Variants in FGGY observed in about 807,000 individuals in gnomAD.
FGGY encodes FGGY carbohydrate kinase domain containing.
A neutral mutation model predicts 71.3 loss-of-function variants in FGGY; 72 were observed. The observed-to-expected ratio is 1.01, with a 90% confidence interval of 0.84 to 1.23. The LOEUF is 1.23. Among genes scored for constraint, FGGY ranks in the 50% most tolerant of loss-of-function variants. The probability of loss-of-function intolerance (pLI) is 0.00; values close to 1 mark genes in which losing one functional copy is unlikely to be tolerated. For synonymous variants in FGGY, 251 were observed against 250.3 expected (o/e 1.00, Z -0.02); for missense variants, 668 against 682.3 (o/e 0.98, Z 0.23).
chr1:59,588,265 A>G (rs1174197158), intron 8 of FGGY, among the ~76,000 whole-genome samples: 1 of 152,116 alleles, frequency 6.6e-6, no homozygotes, highest in Non-Finnish European at 1.5e-5. Context: ...AAAGAAACGA[A>G]CAAAGCCTCC....
chr1:59,352,459 T>C (rs144153367), intron 4 of FGGY, among the ~76,000 whole-genome samples: 6 of 152,366 alleles, frequency 3.9e-5, no homozygotes, highest in South Asian at 4.1e-4. Flanking sequence ...CTGTCTGGAA[T>C]GTCACAGGAT....
intron 5 of FGGY, among the ~76,000 whole-genome samples, chr1:59,430,850 A>G (rs1250410678): frequency 6.6e-6 from 1 of 152,144 alleles, no homozygotes; most frequent in Non-Finnish European, 1.5e-5. Context: ...TCCAGCCTTA[A>G]GGGCACACTT....
At chr1:59,563,142 G>C (rs905747820) in intron 8 of FGGY, among the ~76,000 whole-genome samples, 5 of 152,142 alleles carry the variant, frequency 3.3e-5, no homozygotes, top group African/African-American at 4.8e-5. Flanking sequence ...TGTTGAATAG[G>C]AGTGGTGAGA....
intron 8 of FGGY, among the ~76,000 whole-genome samples, chr1:59,577,740 A>C (rs939634218): frequency 7.9e-5 from 12 of 152,172 alleles, no homozygotes; most frequent in Non-Finnish European, 1.6e-4. Flanking sequence ...ATTTCATTTC[A>C]TAAGTTAGAG....
rs760151971 is a variant in FGGY at position 59,485,607 on chromosome 1, G to A, written c.671-26704G>A. Among the ~76,000 whole-genome samples the A allele has an allele frequency of 1.4e-3, 207 of 152,240 alleles. 2 individuals are homozygous for A. Among genetic ancestry groups the A allele is most frequent in the Non-Finnish European group, 1.2e-3 (81 of 68,012 alleles). On this transcript the variant is annotated intron_variant, in intron 6 of 15. Transcript: ENST00000303721. Reference sequence around the variant, plus strand: ...TTTTGCTGTTGTTTTTGCTTTATTAGAAAATCACTGTTTTGTAGATTTGTA... The same window carrying A: ...TTTTGCTGTTGTTTTTGCTTTATTAAAAAATCACTGTTTTGTAGATTTGTA...
chr1:59,560,183 C>G (rs1490419481), intron 8 of FGGY, among the ~76,000 whole-genome samples: 1 of 152,250 alleles, frequency 6.6e-6, no homozygotes, highest in East Asian at 1.9e-4. Context: ...TGTTCATCCC[C>G]CAATCCTATA....
chr1:59,639,209 G>A (rs772222714), intron 11 of FGGY, among the ~76,000 whole-genome samples: 4 of 152,144 alleles, frequency 2.6e-5, no homozygotes, highest in South Asian at 2.1e-4. Context: ...AAAGGAAGCC[G>A]CGTAACAGTG....
In FGGY at chr1:59,578,172, A is replaced by AG. The variant is rs377608309; in HGVS notation, c.903+23948dup. ...GGAAAAGGTGTGTGGGTCCAGCACA[A>AG]GGGAGCCAGCTGGGGATATCTTAAA... On this transcript the variant is annotated intron_variant, in intron 8 of 15. Coordinates refer to ENST00000303721, the MANE Select transcript of FGGY (RefSeq NM_018291.5). 1.9e-3 allele frequency among the ~76,000 whole-genome samples: 283 copies of AG among 152,258 alleles called. 8 individuals carry two copies. The highest frequency in any genetic ancestry group is 3.9e-3 in the East Asian group (20 of 5,180).
At chr1:59,612,207 A>G (rs1251269192) in intron 9 of FGGY, among the ~76,000 whole-genome samples, 1 of 152,148 alleles carries the variant, frequency 6.6e-6, no homozygotes, top group African/African-American at 2.4e-5. Context: ...GATTCACCAA[A>G]GTTGAAATGA....
intron 9 of FGGY, among the ~76,000 whole-genome samples, chr1:59,619,064 T>G (rs1415479359): frequency 6.6e-6 from 1 of 152,126 alleles, no homozygotes; most frequent in African/African-American, 2.4e-5. Context: ...TCTAATCCCT[T>G]TGTTGCATTG....
intron 12 of FGGY, among the ~76,000 whole-genome samples, chr1:59,665,743 G>A (rs2097317610): frequency 6.7e-6 from 1 of 150,292 alleles, no homozygotes; most frequent in Non-Finnish European, 1.5e-5. Context: ...GTGTGATCTC[G>A]GCTCACTGCA....
At chr1:59,663,784 T>C (rs576227570) in intron 12 of FGGY, among the ~76,000 whole-genome samples, 2 of 152,332 alleles carry the variant, frequency 1.3e-5, no homozygotes, top group South Asian at 4.1e-4. Context: ...AAAATGTGCA[T>C]TTTAATGAGG....
intron 5 of FGGY, among the ~76,000 whole-genome samples, chr1:59,437,680 A>C (rs1018091403): frequency 5.3e-5 from 8 of 152,230 alleles, no homozygotes; most frequent in African/African-American, 1.9e-4. Flanking sequence ...TGATTGCTAT[A>C]GTCCCCTGGT....
chr1:59,687,200 A>G (rs1260964858), intron 14 of FGGY, among the ~76,000 whole-genome samples: 1 of 152,192 alleles, frequency 6.6e-6, no homozygotes, highest in African/African-American at 2.4e-5. Flanking sequence ...GGCAGAAGTC[A>G]GGTCATTTCT....
intron 4 of FGGY, among the ~76,000 whole-genome samples, chr1:59,366,867 T>C (rs2056679442): frequency 6.6e-6 from 1 of 152,082 alleles, no homozygotes; most frequent in Non-Finnish European, 1.5e-5. Flanking sequence ...AGGGAGAAGA[T>C]GGGAAAGTCA....
At chr1:59,469,534 C>G (rs1176493565) in intron 6 of FGGY, among the ~76,000 whole-genome samples, 2 of 152,176 alleles carry the variant, frequency 1.3e-5, no homozygotes, top group Non-Finnish European at 2.9e-5. Context: ...TTAATACTGT[C>G]ATAATGGCAA....
At chr1:59,554,646 C>T (rs531519310) in intron 8 of FGGY, among the ~76,000 whole-genome samples, 12 of 152,272 alleles carry the variant, frequency 7.9e-5, no homozygotes, top group East Asian at 5.8e-4. Context: ...TCCCTGGGAG[C>T]GTCCTGATGA....
chr1:59,477,672 A>G (rs945214129), intron 6 of FGGY, among the ~76,000 whole-genome samples: 2 of 152,112 alleles, frequency 1.3e-5, no homozygotes, highest in African/African-American at 2.4e-5. Flanking sequence ...TGTACAATCT[A>G]TTATGAGGGG....
intron 5 of FGGY, among the ~76,000 whole-genome samples, chr1:59,387,258 T>C (rs1303403782): frequency 6.6e-6 from 1 of 152,154 alleles, no homozygotes; most frequent in Non-Finnish European, 1.5e-5. Flanking sequence ...ATTGGAAATA[T>C]GCTTTGTACA....
Sources: gnomAD v4.1 joint callset for allele counts (sites outside exome capture counted in the v4.1 genomes callset) on GRCh38, gnomAD v4.1.1 for gene constraint, MANE v1.5 for transcripts, NCBI Gene and HGNC (gene_info 2026-07-23, HGNC 2026-07-21) for gene names.